Variants in RANBP2 observed in about 807,000 individuals in gnomAD.
The protein encoded by RANBP2 is RAN binding protein 2, also known as E3 SUMO-protein ligase RanBP2.
RANBP2 carries 57 observed loss-of-function variants against 303.6 expected under a neutral mutation model. The observed-to-expected ratio is 0.19, with a 90% CI of 0.15 to 0.23. The LOEUF is 0.23. RANBP2 is among the 10% of genes least tolerant of loss of function. The pLI, the probability that RANBP2 is intolerant of heterozygous loss-of-function variation, is 1.00. For synonymous variants in RANBP2, 1,167 were observed against 1,301.5 expected, an observed-to-expected ratio of 0.90 and a Z score of 2.23; for missense variants, 3,138 against 3,780.8, an observed-to-expected ratio of 0.83 and a Z score of 4.46.
At chr2:109,140,622 C>A in the RANBP2 span, among the ~76,000 whole-genome samples, 1 of 152,112 alleles carries the variant, frequency 6.6e-6, no homozygotes, top group Non-Finnish European at 1.5e-5. Flanking sequence ...ACCTCATGAT[C>A]CACCTGCCTC....
the RANBP2 span, among the ~76,000 whole-genome samples, chr2:109,059,206 C>T: frequency 6.0e-4 from 91 of 152,172 alleles, no homozygotes; most frequent in African/African-American, 2.1e-3. Flanking sequence ...TGCCAGGGAA[C>T]CAGGAGTCCA....
At chr2:109,137,455 T>C in the RANBP2 span, among the ~76,000 whole-genome samples, 1 of 152,242 alleles carries the variant, frequency 6.6e-6, no homozygotes, top group Non-Finnish European at 1.5e-5. Context: ...AAGTGCCACA[T>C]GCTCAGGAGA....
chr2:108,913,684 G>T, the RANBP2 span, among the ~76,000 whole-genome samples: 1 of 152,256 alleles, frequency 6.6e-6, no homozygotes, highest in East Asian at 1.9e-4. Context: ...TCTTTACGTA[G>T]TATGGGTATG....
chr2:109,016,372 C>T, the RANBP2 span, among the ~76,000 whole-genome samples: 3 of 152,170 alleles, frequency 2.0e-5, no homozygotes, highest in Non-Finnish European at 2.9e-5. Context: ...CAGGCGTGAG[C>T]CACCGCGCCG....
chr2:108,983,215 T>G, the RANBP2 span, among the ~76,000 whole-genome samples: 1 of 152,212 alleles, frequency 6.6e-6, no homozygotes, highest in Admixed American at 6.5e-5. Flanking sequence ...CTCTGATTTA[T>G]CTTCTTCATT....
chr2:108,816,811 C>T, the RANBP2 span, among the ~76,000 whole-genome samples: 1 of 152,098 alleles, frequency 6.6e-6, no homozygotes, highest in Non-Finnish European at 1.5e-5. Context: ...GTCTTCCTGC[C>T]TCATCCCTTT....
chr2:109,209,513 A>G, the RANBP2 span, among the ~76,000 whole-genome samples: 3 of 152,270 alleles, frequency 2.0e-5, no homozygotes, highest in African/African-American at 7.2e-5. Flanking sequence ...GGGTACAGCA[A>G]GGGAGGCGAG....
chr2:109,325,274 A>ATT, the RANBP2 span, among the ~76,000 whole-genome samples: 1 of 150,932 alleles, frequency 6.6e-6, no homozygotes, highest in African/African-American at 2.4e-5. Flanking sequence ...AAATCGTAGA[A>ATT]TCCCAGGAGT....
chr2:109,472,671 T>C, the RANBP2 span, among the ~76,000 whole-genome samples: 1 of 152,176 alleles, frequency 6.6e-6, no homozygotes, highest in Admixed American at 6.5e-5. Context: ...GTGTGTTTAA[T>C]TTTTCCTGTT....
At chr2:108,773,377 T>G (rs1036005461) in intron 23 of RANBP2, among the ~76,000 whole-genome samples, 2 of 152,056 alleles carry the variant, frequency 1.3e-5, no homozygotes, top group Non-Finnish European at 2.9e-5. Flanking sequence ...ACCTAGAATG[T>G]TCTTACCAAA....
intron 21 of RANBP2, among the ~76,000 whole-genome samples, chr2:108,772,239 A>C (rs576670096): frequency 1.3e-5 from 2 of 152,230 alleles, no homozygotes; most frequent in African/African-American, 4.8e-5. Flanking sequence ...GTCTCAATAG[A>C]ATCAGTTGGA....
the RANBP2 span, among the ~76,000 whole-genome samples, chr2:109,638,807 C>T: frequency 6.6e-6 from 1 of 152,128 alleles, no homozygotes; most frequent in Non-Finnish European, 1.5e-5. Context: ...GAAACAACCC[C>T]ACAGTTCTAA....
the RANBP2 span, among the ~76,000 whole-genome samples, chr2:109,609,210 TGCAA>T: frequency 1.3e-5 from 2 of 152,028 alleles, no homozygotes; most frequent in African/African-American, 2.4e-5. Context: ...CCTGGCTGCC[TGCAA>T]GCATTTATAA....
At chr2:109,609,685 T>C in the RANBP2 span, among the ~76,000 whole-genome samples, 2 of 146,866 alleles carry the variant, frequency 1.4e-5, no homozygotes, top group African/African-American at 5.0e-5. Context: ...GTAAAACAAA[T>C]GAGAAGCCTC....
chr2:109,492,332 C>T, the RANBP2 span, among the ~76,000 whole-genome samples: 20 of 152,338 alleles, frequency 1.3e-4, no homozygotes, highest in East Asian at 3.9e-3. Flanking sequence ...AGCGCCAAGC[C>T]TATGGGGCTA....
At chr2:109,277,608 G>A in the RANBP2 span, among the ~76,000 whole-genome samples, 3 of 152,150 alleles carry the variant, frequency 2.0e-5, no homozygotes, top group Admixed American at 6.5e-5. Context: ...ACTCCTCCGC[G>A]TGCGTAGCTC....
chr2:109,372,371 T>C, the RANBP2 span, among the ~76,000 whole-genome samples: 2 of 152,238 alleles, frequency 1.3e-5, no homozygotes, highest in African/African-American at 2.4e-5. Context: ...ATGGCGTGTG[T>C]GTCTGCCATT....
At chr2:109,177,789 T>C in the RANBP2 span, among the ~76,000 whole-genome samples, 1 of 152,212 alleles carries the variant, frequency 6.6e-6, no homozygotes, top group Non-Finnish European at 1.5e-5. Context: ...TAAGAAATAT[T>C]AAAGCCTATT....
In RANBP2 at chr2:108,781,408, A is replaced by G. The variant is rs1188025152; in HGVS notation, c.8739A>G (p.Glu2913=). ...TTCATAATGAAGATATCCATTTTGA[A>G]CCAATAGTGTCACTACCAGAGGTAA... The part of the protein sequence containing the change: ...EVVHNEDIHF[E]PIVSLPEVEV... The change falls in exon 26 of 29, where the codon GAA becomes GAG. Residue 2913 remains glutamate (E), a synonymous_variant. Transcript: ENST00000283195. 1 of 1,614,104 alleles carries G rather than the reference A, an allele frequency of 6.2e-7. No individual in the cohort carries two copies. The highest frequency in any genetic ancestry group is 8.5e-7 in the Non-Finnish European group (1 of 1,179,990).
Sources: gnomAD v4.1 joint callset for allele counts (sites outside exome capture counted in the v4.1 genomes callset) on GRCh38, gnomAD v4.1.1 for gene constraint, MANE v1.5 for transcripts, NCBI Gene and HGNC (gene_info 2026-07-23, HGNC 2026-07-21) for gene names.